DIAPH3: variants seen among roughly 807,000 people sequenced by gnomAD.
DIAPH3 encodes the protein protein diaphanous homolog 3.
Under a neutral mutation model 144.3 loss-of-function variants are expected in DIAPH3, and 117 were observed. The observed-to-expected ratio is 0.81, with a 90% confidence interval of 0.70 to 0.95. The LOEUF is 0.95. DIAPH3 is among the 40% of genes least tolerant of loss of function. The pLI is 0.00. For missense variants in DIAPH3, 1,421 were observed against 1,412.7 expected (o/e 1.01, Z -0.09); for synonymous variants, 519 against 488.9 (o/e 1.06, Z -0.81).
chr13:59,910,176 T>A (rs1448959231), intron 20 of DIAPH3, among the ~76,000 whole-genome samples: 2 of 144,626 alleles, frequency 1.4e-5, no homozygotes. Flanking sequence ...AAAACATAGG[T>A]AAAAAAAAAA....
intron 9 of DIAPH3, among the ~76,000 whole-genome samples, chr13:60,006,791 G>C (rs2052899800): frequency 6.6e-6 from 1 of 152,024 alleles, no homozygotes; most frequent in Non-Finnish European, 1.5e-5. Flanking sequence ...CAACTAAATG[G>C]GCAAGGTCGA....
chr13:59,783,432 T>C (rs1230410412), intron 25 of DIAPH3, among the ~76,000 whole-genome samples: 5 of 152,144 alleles, frequency 3.3e-5, no homozygotes, highest in African/African-American at 9.7e-5. Flanking sequence ...TCATGAGATA[T>C]ACAAATACAA....
At chr13:59,795,885 G>T (rs1005808872) in intron 25 of DIAPH3, among the ~76,000 whole-genome samples, 1 of 152,068 alleles carries the variant, frequency 6.6e-6, no homozygotes, top group African/African-American at 2.4e-5. Flanking sequence ...ATTTCCACCC[G>T]CTTGCCAGCC....
intron 17 of DIAPH3, among the ~76,000 whole-genome samples, chr13:59,941,412 G>A (rs1254034393): frequency 6.6e-6 from 1 of 152,046 alleles, no homozygotes; most frequent in African/African-American, 2.4e-5. Flanking sequence ...CCTCCCTCAT[G>A]GTGCAAGGCT....
intron 5 of DIAPH3, among the ~76,000 whole-genome samples, chr13:60,031,764 A>C (rs1447431787): frequency 3.6e-5 from 1 of 27,610 alleles, no homozygotes; most frequent in African/African-American, 1.8e-4. Flanking sequence ...TTTTTTTGAG[A>C]TGGGGTCTTT....
At chr13:59,934,030 T>C (rs1257802494) in intron 17 of DIAPH3, among the ~76,000 whole-genome samples, 4 of 152,172 alleles carry the variant, frequency 2.6e-5, no homozygotes, top group Non-Finnish European at 1.5e-5. Flanking sequence ...TAAGATTTCA[T>C]ATAAATGTTA....
chr13:60,020,080 G>A (rs1274814040), intron 5 of DIAPH3, among the ~76,000 whole-genome samples: 1 of 152,158 alleles, frequency 6.6e-6, no homozygotes, highest in Non-Finnish European at 1.5e-5. Flanking sequence ...TACTCCTTGA[G>A]TATAGGGACC....
intron 25 of DIAPH3, among the ~76,000 whole-genome samples, chr13:59,790,989 G>C (rs2139401806): frequency 6.6e-6 from 1 of 152,206 alleles, no homozygotes; most frequent in East Asian, 1.9e-4. Context: ...TTTTTTGAAA[G>C]AGATGAGTCT....
chr13:60,114,805 T>C (rs926391192), intron 2 of DIAPH3, among the ~76,000 whole-genome samples: 55 of 152,064 alleles, frequency 3.6e-4, no homozygotes, highest in African/African-American at 1.3e-3. Context: ...AAAAATGATA[T>C]GACAGCTAAT....
intron 1 of DIAPH3, among the ~76,000 whole-genome samples, chr13:60,152,738 T>C (rs1490296501): frequency 1.3e-5 from 2 of 152,160 alleles, no homozygotes; most frequent in South Asian, 2.1e-4. Flanking sequence ...AAAATATATT[T>C]TTTTAAAGAT....
chr13:59,944,948 G>A (rs538568534), intron 17 of DIAPH3, among the ~76,000 whole-genome samples: 2 of 152,130 alleles, frequency 1.3e-5, no homozygotes, highest in African/African-American at 4.8e-5. Context: ...CCTCTTGCGG[G>A]CCAGCAACAC....
At chr13:59,870,819 T>G (rs552878052) in intron 21 of DIAPH3, among the ~76,000 whole-genome samples, 106 of 152,074 alleles carry the variant, frequency 7.0e-4, no homozygotes, top group Middle Eastern at 6.8e-3. Flanking sequence ...TACAAGCATG[T>G]GCCACCACGC....
rs186099669 is a variant in DIAPH3 at position 59,720,824 on chromosome 13, A to G, written c.3319+53365T>C. Among the ~76,000 whole-genome samples, 204 of 152,278 alleles carry G rather than the reference A, an allele frequency of 1.3e-3. 1 individual carries two copies. The highest frequency in any genetic ancestry group is 4.7e-3 in the African/African-American group (196 of 41,546). ...GCTAGTAAGCAAACATTATAAGTCC[A>G]TTTATTTATCTGCCCCAATAACTCA... On this transcript the variant is annotated intron_variant, in intron 27 of 27. Transcript: ENST00000400324.
At chr13:59,956,531 C>A (rs979343204) in intron 17 of DIAPH3, among the ~76,000 whole-genome samples, 20 of 152,346 alleles carry the variant, frequency 1.3e-4, no homozygotes, top group African/African-American at 4.8e-4. Flanking sequence ...TATGGAAATG[C>A]CAGGATGCCC....
At chr13:60,136,905 A>G (rs900122462) in intron 1 of DIAPH3, among the ~76,000 whole-genome samples, 6 of 151,780 alleles carry the variant, frequency 4.0e-5, no homozygotes, top group African/African-American at 7.3e-5. Flanking sequence ...GTGCCACTGC[A>G]CTCCAGCCTG....
intron 22 of DIAPH3, among the ~76,000 whole-genome samples, chr13:59,852,672 G>T (rs1241330065): frequency 2.6e-5 from 4 of 152,142 alleles, no homozygotes; most frequent in African/African-American, 9.7e-5. Flanking sequence ...GTAACTGCAT[G>T]TGTATTATTC....
intron 27 of DIAPH3, among the ~76,000 whole-genome samples, chr13:59,703,156 G>C (rs1038439581): frequency 1.3e-5 from 2 of 152,224 alleles, no homozygotes; most frequent in Non-Finnish European, 2.9e-5. Context: ...CACATGTGAT[G>C]ATGGAGCACT....
intron 20 of DIAPH3, among the ~76,000 whole-genome samples, chr13:59,881,957 T>G (rs1045655313): frequency 2.2e-4 from 33 of 152,216 alleles, no homozygotes; most frequent in Admixed American, 1.6e-3. Flanking sequence ...AGAAGGTGCC[T>G]GTCTTTAGTT....
intron 2 of DIAPH3, among the ~76,000 whole-genome samples, chr13:60,124,306 G>A (rs1320008243): frequency 6.6e-6 from 1 of 152,166 alleles, no homozygotes; most frequent in Non-Finnish European, 1.5e-5. Flanking sequence ...AGGAAAGCCT[G>A]TATCTATATC....
Sources: gnomAD v4.1 joint callset for allele counts (sites outside exome capture counted in the v4.1 genomes callset) on GRCh38, gnomAD v4.1.1 for gene constraint, MANE v1.5 for transcripts, NCBI Gene and HGNC (gene_info 2026-07-23, HGNC 2026-07-21) for gene names.